Variants in CLVS1 observed in about 807,000 individuals in gnomAD.
CLVS1 encodes the protein clavesin-1.
A neutral mutation model predicts 33.1 loss-of-function variants in CLVS1; 10 were observed. That is an observed-to-expected ratio of 0.30 (90% confidence interval 0.19 to 0.51). The LOEUF is 0.51. Among genes scored for constraint, CLVS1 ranks in the 20% least tolerant of loss-of-function variants. CLVS1 has a pLI of 0.97. For synonymous variants in CLVS1, 163 were observed against 166.1 expected (o/e 0.98, Z 0.14); for missense variants, 343 against 433.4 (o/e 0.79, Z 1.85).
the CLVS1 span, among the ~76,000 whole-genome samples, chr8:61,014,414 G>C: frequency 5.5e-4 from 83 of 152,250 alleles, no homozygotes; most frequent in Non-Finnish European, 6.2e-4. Flanking sequence ...TTTATCAACG[G>C]CAGTAGCAGA....
intron 2 of CLVS1, among the ~76,000 whole-genome samples, chr8:61,167,973 C>T (rs1211838514): frequency 6.6e-6 from 1 of 152,208 alleles, no homozygotes; most frequent in Non-Finnish European, 1.5e-5. Context: ...ACCAGCGGCC[C>T]CCAGGGCTGC....
intron 2 of CLVS1, among the ~76,000 whole-genome samples, chr8:61,183,501 A>C (rs1235686313): frequency 2.0e-5 from 3 of 151,278 alleles, no homozygotes; most frequent in Non-Finnish European, 1.5e-5. Context: ...AATTTTTTTT[A>C]TCTCTTCTCT....
intron 1 of CLVS1, among the ~76,000 whole-genome samples, chr8:61,299,224 T>C (rs1366017263): frequency 6.6e-6 from 1 of 152,082 alleles, no homozygotes; most frequent in Non-Finnish European, 1.5e-5. Context: ...GTTATTTCTG[T>C]GAAAGATACT....
At position 61,365,527 on chromosome 8, in the gene CLVS1, CAA is replaced by C. The variant is rs142110433; in HGVS notation, c.456-11065_456-11064del. ...AGGTGACAAGAGTGAAACACCATGT[CAA>C]AAAAAAAAAAAATCTATAAATGTCA... is the stretch of plus-strand genomic sequence containing the variant. On this transcript the variant is annotated intron_variant, in intron 2 of 5. Coordinates refer to ENST00000325897, the MANE Select transcript of CLVS1 (RefSeq NM_173519.3). 4.4e-3 allele frequency among the ~76,000 whole-genome samples: 615 copies of C among 140,320 alleles called. 7 individuals carry two copies. Among genetic ancestry groups the C allele is most frequent in the East Asian group, 0.022 (109 of 4,854 alleles). 92.1% of individuals were successfully genotyped at this position (140,320 alleles called of 152,430 possible).
At chr8:60,972,570 A>C in the CLVS1 span, among the ~76,000 whole-genome samples, 1 of 152,134 alleles carries the variant, frequency 6.6e-6, no homozygotes, top group African/African-American at 2.4e-5. Context: ...TATTCCTGTA[A>C]ATAACATTAT....
At position 61,288,111 on chromosome 8, in the gene CLVS1, C is replaced by T. The variant is rs1219322958; in HGVS notation, c.-179C>T. ...GAGGACACCTGCAGAAATACATTCCCAAAGCAAGGCTGGGCGGCCGTGTGA... is the reference window on the plus strand; with the variant it reads ...GAGGACACCTGCAGAAATACATTCCTAAAGCAAGGCTGGGCGGCCGTGTGA... On this transcript the variant is annotated 5_prime_UTR_variant, in exon 1 of 6. Coordinates refer to ENST00000325897, the MANE Select transcript of CLVS1 (RefSeq NM_173519.3). 1 of 456,284 alleles carries T rather than the reference C, an allele frequency of 2.2e-6. No individual in the cohort carries two copies. Among genetic ancestry groups the T allele is most frequent in the African/African-American group, 2.0e-5 (1 of 50,190 alleles). 28.3% of individuals were successfully genotyped at this position (456,284 alleles called of 1,614,324 possible).
At chr8:61,238,477 G>A (rs1808617342) in intron 2 of CLVS1, among the ~76,000 whole-genome samples, 1 of 152,144 alleles carries the variant, frequency 6.6e-6, no homozygotes, top group Admixed American at 6.5e-5. Flanking sequence ...CTGAAGCAAA[G>A]AGGATGGCTG....
chr8:61,043,430 C>T, the CLVS1 span, among the ~76,000 whole-genome samples: 1 of 152,184 alleles, frequency 6.6e-6, no homozygotes, highest in Non-Finnish European at 1.5e-5. Context: ...CTGGTTCTGA[C>T]AAAACCAGAT....
chr8:61,238,137 A>T (rs1017567412), intron 2 of CLVS1, among the ~76,000 whole-genome samples: 2 of 152,240 alleles, frequency 1.3e-5, no homozygotes, highest in Non-Finnish European at 2.9e-5. Flanking sequence ...TTATTTAAGA[A>T]ATAAAGAAGC....
At chr8:61,205,799 C>T (rs1389545854) in intron 2 of CLVS1, among the ~76,000 whole-genome samples, 2 of 152,234 alleles carry the variant, frequency 1.3e-5, no homozygotes, top group Non-Finnish European at 2.9e-5. Context: ...AATATTCATC[C>T]TCTTGGGTGT....
intron 5 of CLVS1, among the ~76,000 whole-genome samples, chr8:61,488,894 G>C (rs907604482): frequency 2.6e-5 from 4 of 152,172 alleles, no homozygotes; most frequent in Non-Finnish European, 5.9e-5. Flanking sequence ...TCCAGGATGG[G>C]TGTGTCTTCT....
intron 1 of CLVS1, among the ~76,000 whole-genome samples, chr8:61,059,477 T>C (rs1200887662): frequency 1.3e-5 from 1 of 76,558 alleles, no homozygotes; most frequent in Non-Finnish European, 2.4e-5. Context: ...CATACATACA[T>C]ATATATATAT....
At chr8:61,070,511 C>T (rs1804773366) in intron 1 of CLVS1, among the ~76,000 whole-genome samples, 1 of 152,244 alleles carries the variant, frequency 6.6e-6, no homozygotes, top group Non-Finnish European at 1.5e-5. Context: ...CCATCTTCCA[C>T]CCCTCTTCTT....
At chr8:61,174,314 G>T (rs1807068920) in intron 2 of CLVS1, among the ~76,000 whole-genome samples, 1 of 152,066 alleles carries the variant, frequency 6.6e-6, no homozygotes, top group Non-Finnish European at 1.5e-5. Context: ...TGTATTCTGT[G>T]TATTCAAAAA....
Position 61,376,616 on chromosome 8 carries a change from C to T in CLVS1, c.467C>T (p.Thr156Ile), listed in dbSNP as rs749385524. The change falls in exon 3 of 6, where the codon ACA becomes ATA. Residue 156 changes from threonine to isoleucine, a missense_variant. Physicochemically the swap from Thr to Ile is moderately conservative, Grantham distance 89. Transcript: ENST00000325897. Reference protein sequence around the residue: ...ANWDQSRNSFTDILRAILLSL... With the variant: ...ANWDQSRNSFIDILRAILLSL... ...TGCTCTGGCTGCAGGAACTCCTTCA[C>T]AGACATCCTTCGTGCCATCCTGCTG... 1 of 1,613,844 alleles carries T rather than the reference C, an allele frequency of 6.2e-7. No individual in the cohort carries two copies. Among genetic ancestry groups the T allele is most frequent in the South Asian group, 1.1e-5 (1 of 91,034 alleles).
intron 2 of CLVS1, among the ~76,000 whole-genome samples, chr8:61,335,416 C>T (rs1037160306): frequency 9.2e-5 from 14 of 152,284 alleles, no homozygotes; most frequent in African/African-American, 2.4e-4. Flanking sequence ...AAGATGGAGT[C>T]GGTTAAGTTA....
chr8:61,069,311 C>T (rs35019646), intron 1 of CLVS1, among the ~76,000 whole-genome samples: 36,272 of 152,138 alleles, frequency 0.24, 5,057 homozygotes, highest in East Asian at 0.58. Context: ...TCCCAGTGCA[C>T]CAGCTCCGAC....
intron 2 of CLVS1, among the ~76,000 whole-genome samples, chr8:61,360,047 G>A (rs537789270): frequency 6.6e-6 from 1 of 151,886 alleles, no homozygotes; most frequent in Admixed American, 6.5e-5. Flanking sequence ...CAGAGCCATT[G>A]TAGGCAGGCC....
chr8:61,140,325 C>G (rs1319282631), intron 2 of CLVS1, among the ~76,000 whole-genome samples: 1 of 152,166 alleles, frequency 6.6e-6, no homozygotes, highest in African/African-American at 2.4e-5. Flanking sequence ...CACTCATGGT[C>G]TTGGTGTAAA....
Sources: gnomAD v4.1 joint callset for allele counts (sites outside exome capture counted in the v4.1 genomes callset) on GRCh38, gnomAD v4.1.1 for gene constraint, MANE v1.5 for transcripts, NCBI Gene and HGNC (gene_info 2026-07-23, HGNC 2026-07-21) for gene names.